Variants in BRWD3 observed in about 807,000 individuals in gnomAD.
BRWD3 encodes the protein bromodomain and WD repeat-containing protein 3.
Under a neutral mutation model 149.7 loss-of-function variants are expected in BRWD3, and 10 were observed. The observed-to-expected ratio is 0.07, with a 90% CI of 0.04 to 0.11. The LOEUF is 0.11. BRWD3 is among the 10% of genes least tolerant of loss of function. The pLI is 1.00. For missense variants in BRWD3, 940 were observed against 1,373.2 expected (o/e 0.68, Z 4.99); for synonymous variants, 504 against 456.7 (o/e 1.10, Z -1.32).
At chrX:80,739,919 T>A (rs912195196) in intron 8 of BRWD3, among the ~76,000 whole-genome samples, 6 of 112,155 alleles carry the variant, frequency 5.3e-5, no homozygotes, top group African/African-American at 1.9e-4. Context: ...ACTGAAACCT[T>A]GGAAAGCCAA....
intron 6 of BRWD3, among the ~76,000 whole-genome samples, chrX:80,750,207 A>G (rs2073647018): frequency 9.0e-6 from 1 of 111,530 alleles, no homozygotes; most frequent in African/African-American, 3.3e-5. Flanking sequence ...TAGGACTCCA[A>G]ACACAGGCAA....
intron 11 of BRWD3, 55 bp from the exon 12 acceptor site, chrX:80,733,551 A>G: frequency 2.0e-6 from 2 of 976,855 alleles, no homozygotes; most frequent in Non-Finnish European, 2.9e-6. Flanking sequence ...AAATGAATTA[A>G]GTGCTCTTTC....
chrX:80,743,865 A>G, intron 8 of BRWD3, 167 bp downstream of exon 8: 1 of 404,473 alleles, frequency 2.5e-6, no homozygotes, highest in Non-Finnish European at 4.3e-6. Context: ...TAATCATATG[A>G]AAAAGGAACT....
At chrX:80,720,299 G>A (rs955970909) in intron 17 of BRWD3, among the ~76,000 whole-genome samples, 2 of 111,383 alleles carry the variant, frequency 1.8e-5, no homozygotes, top group East Asian at 5.6e-4. Flanking sequence ...GCTCCATATT[G>A]CCCCGGAAGA....
At chrX:80,802,442 T>TAAAA (rs760675783) in intron 4 of BRWD3, among the ~76,000 whole-genome samples, 3 of 48,881 alleles carry the variant, frequency 6.1e-5, no homozygotes, top group Admixed American at 3.0e-4. Context: ...ACTCTCATCT[T>TAAAA]AAAAAAAAAA....
chrX:80,807,852 G>A (rs73504642), intron 4 of BRWD3, among the ~76,000 whole-genome samples: 62 of 111,170 alleles, frequency 5.6e-4, no homozygotes, highest in African/African-American at 1.8e-3. Flanking sequence ...AGTGAAAACG[G>A]GTCTATGCAA....
In BRWD3 at chrX:80,709,511, G is replaced by C; in HGVS notation, c.2392C>G (p.Gln798Glu). 8.3e-7 allele frequency: 1 copy of C among 1,209,999 alleles called. No individual in the cohort carries two copies. The highest frequency in any genetic ancestry group is 1.1e-6 in the Non-Finnish European group (1 of 894,149). The change falls in exon 21 of 41, where the codon CAA (glutamine) becomes GAA (glutamate). Residue 798 changes from glutamine to glutamate, a missense_variant. By Grantham distance (29) the Gln-to-Glu change is conservative (BLOSUM62 2). Transcript: ENST00000373275. ...TTATGCTCTATGTTGGACCGTGTTT[G>C]GTAAGTATGCTGACGTTTGCGCTGT... ...RTQRKRQHTYQTRSNIEHNSQ... is the reference protein window; with the variant it reads ...RTQRKRQHTYETRSNIEHNSQ...
intron 20 of BRWD3, chrX:80,710,306 A>G (rs989863667): frequency 1.2e-4 from 39 of 336,526 alleles, no homozygotes; most frequent in African/African-American, 1.0e-3. Flanking sequence ...ATATGGTGTT[A>G]GGCTACTTAC....
At chrX:80,750,013 T>C (rs773265280) in intron 6 of BRWD3, among the ~76,000 whole-genome samples, 3 of 111,773 alleles carry the variant, frequency 2.7e-5, no homozygotes, top group Non-Finnish European at 5.7e-5. Flanking sequence ...CTTCAATAAG[T>C]GGTGCTGGGA....
chrX:80,689,795 T>G lies in BRWD3; in HGVS notation c.3780A>C (p.Glu1260Asp). ...CCTCTGCATCAGTACTGTTTCGTTC[T>G]TCTGCTTTAATTTTATTATAAGTAT... ...ILDTYNKIKA[E>D]ERNSTDAEED... The change falls in exon 33 of 41, where the codon GAA becomes GAC. Residue 1260 changes from glutamate to aspartate, a missense_variant. Glu to Asp is a conservative substitution (Grantham distance 45). Coordinates refer to ENST00000373275, the MANE Select transcript of BRWD3 (RefSeq NM_153252.5). 1.7e-6 allele frequency: 2 copies of G among 1,204,332 alleles called. No individual in the cohort carries two copies. The highest frequency in any genetic ancestry group is 4.4e-5 in the Admixed American group (2 of 45,856).
chrX:80,700,433 G>GATACATATATATATATATATATATATAT (rs1555966844), intron 24 of BRWD3, among the ~76,000 whole-genome samples: 2 of 55,633 alleles, frequency 3.6e-5, no homozygotes, highest in Non-Finnish European at 6.7e-5. Flanking sequence ...GAAAATATTT[G>GATACATATATATATATATATATATATAT]ATATATATAA....
chrX:80,695,413 T>C (rs2072673642), intron 27 of BRWD3, among the ~76,000 whole-genome samples: 1 of 112,059 alleles, frequency 8.9e-6, no homozygotes, highest in African/African-American at 3.2e-5. Context: ...TTCTGTATTG[T>C]ATTGTTATAC....
intron 25 of BRWD3, among the ~76,000 whole-genome samples, chrX:80,697,256 T>C: frequency 8.9e-6 from 1 of 111,974 alleles, no homozygotes. Context: ...CAGGTATATA[T>C]GTACGTGTAC....
intron 20 of BRWD3, among the ~76,000 whole-genome samples, chrX:80,712,047 T>C (rs2072977081): frequency 8.9e-6 from 1 of 112,063 alleles, no homozygotes; most frequent in African/African-American, 3.2e-5. Flanking sequence ...TTAAGATTCT[T>C]AAGAGGTAAA....
At chrX:80,717,369 A>G in intron 19 of BRWD3, 1 of 433,465 alleles carries the variant, frequency 2.3e-6, no homozygotes, top group Non-Finnish European at 4.0e-6. Context: ...TGCATTTTCA[A>G]TATTCCCCAA....
intron 8 of BRWD3, among the ~76,000 whole-genome samples, chrX:80,738,711 AAAGC>A (rs1331156297): frequency 1.8e-5 from 2 of 111,963 alleles, no homozygotes; most frequent in Admixed American, 1.9e-4. Context: ...ACATGTGCAC[AAAGC>A]ACATAGAAAC....
intron 7 of BRWD3, among the ~76,000 whole-genome samples, chrX:80,745,041 GT>G (rs1439261753): frequency 1.8e-5 from 2 of 111,287 alleles, no homozygotes; most frequent in East Asian, 2.8e-4. Context: ...AAATACTGGT[GT>G]ACTACAATTT....
intron 3 of BRWD3, among the ~76,000 whole-genome samples, 176 bp from the exon 4 acceptor site, chrX:80,808,774 A>G (rs1210641153): frequency 9.5e-4 from 39 of 40,914 alleles, no homozygotes; most frequent in East Asian, 1.4e-3. Flanking sequence ...GGGGGGGGGG[A>G]AGGGGGGTCG....
intron 6 of BRWD3, among the ~76,000 whole-genome samples, chrX:80,787,574 A>G (rs1213986067): frequency 1.3e-4 from 14 of 106,067 alleles, no homozygotes; most frequent in Non-Finnish European, 2.1e-4. Flanking sequence ...CCCATATGCA[A>G]AAAAAAAAAA....
Sources: gnomAD v4.1 joint callset for allele counts (sites outside exome capture counted in the v4.1 genomes callset) on GRCh38, gnomAD v4.1.1 for gene constraint, MANE v1.5 for transcripts, NCBI Gene and HGNC (gene_info 2026-07-23, HGNC 2026-07-21) for gene names.